Variants in ANKRD16 observed in about 807,000 individuals in gnomAD.
ANKRD16 encodes ankyrin repeat domain 16.
A neutral mutation model predicts 37.9 loss-of-function variants in ANKRD16; 35 were observed. The ratio of observed to expected loss-of-function variants is 0.92; its 90% CI spans 0.71 to 1.23. The LOEUF is 1.23. Among genes scored for constraint, ANKRD16 ranks in the 50% most tolerant of loss-of-function variants. ANKRD16 has a pLI of 0.00. For synonymous variants in ANKRD16, 206 were observed against 197.2 expected (o/e 1.04, Z -0.37); for missense variants, 480 against 469.9 (o/e 1.02, Z -0.20).
intron 7 of ANKRD16, among the ~76,000 whole-genome samples, chr10:5,872,314 A>G (rs917508406): frequency 6.6e-6 from 1 of 151,888 alleles, no homozygotes; most frequent in Non-Finnish European, 1.5e-5. Context: ...CCCTGTCTCT[A>G]CTAAAAATAC....
intron 7 of ANKRD16, among the ~76,000 whole-genome samples, chr10:5,872,804 C>G (rs1249044841): frequency 6.6e-6 from 1 of 151,812 alleles, no homozygotes. Context: ...GATCTGCCCC[C>G]CTTGGCCTCC....
chr10:5,862,365 G>A lies in ANKRD16; in HGVS notation c.*360C>T. On this transcript the variant is annotated 3_prime_UTR_variant, in exon 8 of 8. Transcript: ENST00000380094. This position sits in a 1 kb window ranked among gnomAD's most constrained non-coding sequence, Gnocchi z 6.5. The stretch of plus-strand genomic sequence containing the variant: ...TGGTTCCTGAGGGTTGTGACGATCA[G>A]GGCAGAGGCAGAAGGCACCACCTCA... 6.7e-6 allele frequency: 3 copies of A among 446,238 alleles called. No individual in the cohort carries two copies. Among genetic ancestry groups the A allele is most frequent in the Non-Finnish European group, 1.3e-5 (3 of 225,728 alleles). 27.6% of individuals were successfully genotyped at this position (446,238 alleles called of 1,614,324 possible). A position where few individuals can be genotyped will look rare whatever the true frequency, so the allele number is the denominator to read the frequency against.
chr10:5,877,793 A>G (rs944457568), intron 7 of ANKRD16, among the ~76,000 whole-genome samples: 2 of 152,246 alleles, frequency 1.3e-5, no homozygotes, highest in Non-Finnish European at 2.9e-5. Flanking sequence ...TGTATGCTAT[A>G]TTATATTCAT....
Position 5,870,648 on chromosome 10 carries a change from A to T in ANKRD16, c.*33+7449T>A, listed in dbSNP as rs1842074539. On this transcript the variant is annotated intron_variant, in intron 7 of 7. Transcript: ENST00000380094. The surrounding 1 kb of genome is among the most constrained non-coding windows in gnomAD (Gnocchi z 5.0). ...CCATCTGCCCGCCTTGGCCTCCCAA[A>T]GTGTTGGGATTACAGGCGTGAGCCA... Among the ~76,000 whole-genome samples the T allele has an allele frequency of 6.6e-6, 1 of 152,064 alleles. No homozygotes were observed. The highest frequency in any genetic ancestry group is 1.5e-5 in the Non-Finnish European group (1 of 68,012).
chr10:5,873,293 G>A (rs1842133634), intron 7 of ANKRD16, among the ~76,000 whole-genome samples: 1 of 152,110 alleles, frequency 6.6e-6, no homozygotes, highest in African/African-American at 2.4e-5. Context: ...GCCTCCCAAA[G>A]TGCTGGGATA....
At chr10:5,873,917 G>A (rs1277901335) in intron 7 of ANKRD16, among the ~76,000 whole-genome samples, 4 of 148,890 alleles carry the variant, frequency 2.7e-5, no homozygotes, top group South Asian at 2.1e-4. Context: ...TTTTTGAGAC[G>A]GCGTCTCGCT....
intron 7 of ANKRD16, among the ~76,000 whole-genome samples, chr10:5,873,936 A>C (rs1445230825): frequency 1.3e-5 from 2 of 150,834 alleles, no homozygotes; most frequent in African/African-American, 4.9e-5. Flanking sequence ...CTCTGTTGCC[A>C]GGCTGGAGTG....
Position 5,862,089 on chromosome 10 carries a change from G to A in ANKRD16, c.*636C>T, listed in dbSNP as rs1841951190. The A allele has an allele frequency of 1.2e-5, 2 of 168,456 alleles. No individual in the cohort carries two copies. The highest frequency in any genetic ancestry group is 2.9e-4 in the South Asian group (2 of 6,834). The allele number at this position is 168,456 out of a possible 1,614,324, so 10.4% of individuals were successfully genotyped here. Reference sequence around the variant, plus strand: ...GCTAATTTTTTTGTATTTTTAGTAAGAGACGGGGTTTCACCACGTTAGCCA... The same window carrying A: ...GCTAATTTTTTTGTATTTTTAGTAAAAGACGGGGTTTCACCACGTTAGCCA... On this transcript the variant is annotated 3_prime_UTR_variant, in exon 8 of 8. Coordinates refer to ENST00000380094, the MANE Select transcript of ANKRD16 (RefSeq NM_019046.3). The surrounding 1 kb of genome is among the most constrained non-coding windows in gnomAD (Gnocchi z 6.5).
At chr10:5,880,593 T>C (rs975163130) in intron 5 of ANKRD16, among the ~76,000 whole-genome samples, 4 of 151,426 alleles carry the variant, frequency 2.6e-5, no homozygotes, top group African/African-American at 9.8e-5. Flanking sequence ...AGGAGGAGGG[T>C]ATGGTCACAT....
Position 5,889,041 on chromosome 10 carries a change from C to A in ANKRD16, c.314G>T (p.Trp105Leu). 1 of 1,531,344 alleles carries A rather than the reference C, an allele frequency of 6.5e-7. No individual in the cohort carries two copies. The highest frequency in any genetic ancestry group is 2.0e-5 in the Admixed American group (1 of 50,110). 94.9% of individuals were successfully genotyped at this position (1,531,344 alleles called of 1,614,324 possible). ...AAVDCLKKAD[W>L]TPLMMACTRK... ...GGGTGTCTTTCCGCTCCACACCTAC[C>A]AGTCGGCCTTCTTCAGGCAGTCGAC... The change falls in exon 1 of 8, where the codon TGG becomes TTG. Residue 105 changes from tryptophan to leucine, a missense_variant and splice_region_variant. Coordinates refer to ENST00000380094, the MANE Select transcript of ANKRD16 (RefSeq NM_019046.3).
At chr10:5,876,512 A>G (rs1368154556) in intron 7 of ANKRD16, among the ~76,000 whole-genome samples, 3 of 152,230 alleles carry the variant, frequency 2.0e-5, no homozygotes, top group African/African-American at 4.8e-5. Context: ...CCTAGAGGGC[A>G]TTGACGCAGG....
At chr10:5,889,013 G>A (rs1371310083) in intron 1 of ANKRD16, 28 bp downstream of exon 1, 1 of 1,491,000 alleles carries the variant, frequency 6.7e-7, no homozygotes, top group Non-Finnish European at 8.9e-7. Flanking sequence ...TAGAGGGGAG[G>A]CGGGGTGTCT....
chr10:5,882,883 A>G (rs1842339456), intron 5 of ANKRD16, 123 bp downstream of exon 5: 1 of 1,074,700 alleles, frequency 9.3e-7, no homozygotes, highest in East Asian at 2.6e-5. Flanking sequence ...CCATTTCAGA[A>G]GAATATCATG....
At chr10:5,888,150 C>T in intron 1 of ANKRD16, 83 bp from the exon 2 acceptor site, 1 of 1,268,756 alleles carries the variant, frequency 7.9e-7, no homozygotes, top group Non-Finnish European at 1.1e-6. Flanking sequence ...ACACACACAT[C>T]CTTGGCACAG....
chr10:5,873,367 T>C (rs1842134500), intron 7 of ANKRD16, among the ~76,000 whole-genome samples: 1 of 149,480 alleles, frequency 6.7e-6, no homozygotes, highest in Middle Eastern at 3.3e-3. Context: ...AGAGATGGGG[T>C]TTCACCATAT....
Position 5,865,592 on chromosome 10 carries a change from A to C in ANKRD16, c.*34-2901T>G, listed in dbSNP as rs1486330101. ...TGTCCTCAAGGTCTGTTACCATCCAAGGAATCCTGGGACAGCCTATAACCA... is the reference window on the plus strand; with the variant it reads ...TGTCCTCAAGGTCTGTTACCATCCACGGAATCCTGGGACAGCCTATAACCA... On this transcript the variant is annotated intron_variant, in intron 7 of 7. Coordinates refer to ENST00000380094, the MANE Select transcript of ANKRD16 (RefSeq NM_019046.3). This position sits in a 1 kb window ranked among gnomAD's most constrained non-coding sequence, Gnocchi z 4.7. Among the ~76,000 whole-genome samples the C allele has an allele frequency of 6.6e-6, 1 of 152,202 alleles. No individual in the cohort carries two copies. Among genetic ancestry groups the C allele is most frequent in the African/African-American group, 2.4e-5 (1 of 41,446 alleles).
At chr10:5,880,448 G>C (rs1184959016) in intron 5 of ANKRD16, 72 bp from the exon 6 acceptor site, 1 of 878,606 alleles carries the variant, frequency 1.1e-6, no homozygotes, top group African/African-American at 1.7e-5. Flanking sequence ...AAAAGTATCT[G>C]AGACAGGTCT....
chr10:5,883,860 G>C lies in ANKRD16; in HGVS notation c.687+109C>G, dbSNP rs1842363599. The C allele has an allele frequency of 8.0e-6, 7 of 876,058 alleles. No homozygotes were observed. The East Asian group carries it at 1.9e-4, about 23-fold the overall frequency. The allele number at this position is 876,058 out of a possible 1,614,324, so 54.3% of individuals were successfully genotyped here. On this transcript the variant is annotated intron_variant, in intron 4 of 7. Coordinates refer to ENST00000380094, the MANE Select transcript of ANKRD16 (RefSeq NM_019046.3). ...CCAAGTTCCAGAGAGAGAGTTTGGA[G>C]GGGCTGGGGAATGGAACCTGGGATC...
chr10:5,882,761 T>G, intron 5 of ANKRD16: 1 of 326,100 alleles, frequency 3.1e-6, no homozygotes, highest in South Asian at 5.7e-5. Flanking sequence ...CAAAAACCTG[T>G]GTGTGAGGGG....
Sources: gnomAD v4.1 joint callset for allele counts (sites outside exome capture counted in the v4.1 genomes callset) on GRCh38, gnomAD v4.1.1 for gene constraint, Gnocchi (gnomAD v3.1) non-coding constraint, MANE v1.5 for transcripts, NCBI Gene and HGNC (gene_info 2026-07-23, HGNC 2026-07-21) for gene names.